Variants in ZNF658 observed in about 807,000 individuals in gnomAD.
ZNF658 encodes the protein zinc finger protein 658.
Under a neutral mutation model 78.0 loss-of-function variants are expected in ZNF658, and 46 were observed. That is an observed-to-expected ratio of 0.59 (90% CI 0.47 to 0.75). The LOEUF (loss-of-function observed/expected upper bound fraction) is 0.75, where lower values mean the gene tolerates loss of function less well. Ranked by LOEUF, ZNF658 falls within the 30% of genes least tolerant of loss-of-function variation. ZNF658 has a pLI of 0.00. For synonymous variants in ZNF658, 279 were observed against 408.4 expected, an observed-to-expected ratio of 0.68 and a Z score of 3.82; for missense variants, 785 against 1,189.3, an observed-to-expected ratio of 0.66 and a Z score of 5.00.
In ZNF658 at chr9:66,908,253, C is replaced by T. The variant is rs149593387; in HGVS notation, c.31C>T (p.Gln11Ter). 257 of 1,613,850 alleles carry T rather than the reference C, an allele frequency of 1.6e-4. No individual in the cohort carries two copies. The highest frequency in any genetic ancestry group is 2.1e-4 in the Non-Finnish European group (246 of 1,179,924). Reference sequence around the variant, plus strand: ...GTTGTTACAGGCATCAGTGTCATTCCAGGACGTGACTGTGGAATTCACCCG... The same window carrying T: ...GTTGTTACAGGCATCAGTGTCATTCTAGGACGTGACTGTGGAATTCACCCG... MNMSQASVSF[Q>*]DVTVEFTREE... The change falls in exon 3 of 5, where the codon CAG (glutamine) becomes TAG (stop). Residue 11 changes from glutamine (Q) to a stop codon, truncating the protein, a stop_gained. Coordinates refer to ENST00000621410, the MANE Select transcript of ZNF658 (RefSeq NM_033160.7). LOFTEE classifies it high-confidence loss of function.
chr9:66,912,731 C>T (rs1822242393), intron 4 of ZNF658, among the ~76,000 whole-genome samples: 1 of 152,076 alleles, frequency 6.6e-6, no homozygotes, highest in Admixed American at 6.6e-5. Context: ...CTCAGGGTTG[C>T]CACAAACCTT....
At chr9:66,917,238 C>T in intron 4 of ZNF658, among the ~76,000 whole-genome samples, 1 of 92,494 alleles carries the variant, frequency 1.1e-5, no homozygotes, top group Non-Finnish European at 2.1e-5. Flanking sequence ...TTTGTTTTTT[C>T]TGTAGGGATT....
chr9:66,912,158 G>GA (rs1388880098), intron 4 of ZNF658, among the ~76,000 whole-genome samples: 1 of 120,682 alleles, frequency 8.3e-6, no homozygotes, highest in African/African-American at 3.8e-5. Context: ...AAAGACAAAA[G>GA]AAAAAACATA....
chr9:66,904,434 C>T (rs971588143), intron 2 of ZNF658, among the ~76,000 whole-genome samples: 6 of 151,392 alleles, frequency 4.0e-5, no homozygotes, highest in East Asian at 1.9e-4. Flanking sequence ...TCCTGTCACT[C>T]GGCTCAGCCT....
chr9:66,921,927 C>T (rs1822533622), downstream of ZNF658, among the ~76,000 whole-genome samples: 1 of 141,392 alleles, frequency 7.1e-6, no homozygotes, highest in South Asian at 2.5e-4. Flanking sequence ...GCCTTTTGTT[C>T]AGCTATGCTC....
chr9:66,921,027 G>C lies in ZNF658; in HGVS notation c.*281G>C, dbSNP rs1283745799. On this transcript the variant is annotated 3_prime_UTR_variant, in exon 5 of 5. Transcript: ENST00000621410. The stretch of plus-strand genomic sequence containing the variant: ...TTTCTGCAGCAAACTTGGGTCCTGT[G>C]TGTTCAAAACCATAGAGCACAAGGT... 4.1e-6 allele frequency: 2 copies of C among 483,884 alleles called. No homozygotes were observed. Among genetic ancestry groups the C allele is most frequent in the Non-Finnish European group, 3.7e-6 (1 of 267,074 alleles). The allele number at this position is 483,884 out of a possible 1,614,324, so 30.0% of individuals were successfully genotyped here. A position where few individuals can be genotyped will look rare whatever the true frequency, so the allele number is the denominator to read the frequency against.
rs1822518834 is a variant in ZNF658 at position 66,921,185 on chromosome 9, G to A, written c.*439G>A. 6.2e-6 allele frequency: 1 copy of A among 161,392 alleles called. No homozygotes were observed. The highest frequency in any genetic ancestry group is 5.7e-5 in the Admixed American group (1 of 17,482). 10.0% of individuals were successfully genotyped at this position (161,392 alleles called of 1,614,324 possible). ...TACAAATTTGGCTTATTAGTTAAAT[G>A]GACGTAGTTTAGCTTAAACTTTATG... On this transcript the variant is annotated 3_prime_UTR_variant, in exon 5 of 5. Coordinates refer to ENST00000621410, the MANE Select transcript of ZNF658 (RefSeq NM_033160.7).
chr9:66,915,244 T>C (rs1332425), intron 4 of ZNF658, among the ~76,000 whole-genome samples: 1 of 151,920 alleles, frequency 6.6e-6, no homozygotes, highest in Non-Finnish European at 1.5e-5. Context: ...TCCTTTTCAC[T>C]GACAGCTCCT....
In ZNF658 at chr9:66,918,203, G is replaced by C. The variant is rs1822386746; in HGVS notation, c.637G>C (p.Glu213Gln). ...GCATTGGAAATTTCAAACTTTGGAGGAATCTTTTGAATGTGATGGATCTGG... is the reference window on the plus strand; with the variant it reads ...GCATTGGAAATTTCAAACTTTGGAGCAATCTTTTGAATGTGATGGATCTGG... ...DQHWKFQTLE[E>Q]SFECDGSGQG... The change falls in exon 5 of 5, where the codon GAA (glutamate) becomes CAA (glutamine). Residue 213 changes from glutamate to glutamine, a missense_variant. Coordinates refer to ENST00000621410, the MANE Select transcript of ZNF658 (RefSeq NM_033160.7). The C allele has an allele frequency of 6.2e-7, 1 of 1,605,534 alleles. No homozygotes were observed. The highest frequency in any genetic ancestry group is 1.1e-5 in the South Asian group (1 of 89,128).
intron 2 of ZNF658, 25 bp from the exon 3 acceptor site, chr9:66,908,213 T>C (rs1271391702): frequency 1.2e-6 from 2 of 1,613,794 alleles, no homozygotes; most frequent in Admixed American, 3.3e-5. Context: ...CATTGTTATA[T>C]TTGTTGTGAT....
Position 66,919,708 on chromosome 9 carries a change from T to C in ZNF658, c.2142T>C (p.Tyr714=). The change falls in exon 5 of 5, where the codon TAT becomes TAC. Residue 714 remains tyrosine, a synonymous_variant. Coordinates refer to ENST00000621410, the MANE Select transcript of ZNF658 (RefSeq NM_033160.7). ...GAATTCACACGGGGGAGAAACCCTA[T>C]GAATGTAATGAATGTGAGAAAACAT... ...HQRIHTGEKP[Y]ECNECEKTFA... The C allele has an allele frequency of 6.2e-7, 1 of 1,613,208 alleles. No homozygotes were observed.
At chr9:66,917,351 A>G (rs913374725) in intron 4 of ZNF658, among the ~76,000 whole-genome samples, 28 of 148,022 alleles carry the variant, frequency 1.9e-4, no homozygotes, top group African/African-American at 7.1e-4. Context: ...ATGAGGAGAG[A>G]GTCTGTCTGT....
intron 1 of ZNF658, 104 bp downstream of exon 1, chr9:66,900,940 GC>G (rs1821938350): frequency 6.6e-6 from 1 of 152,014 alleles, no homozygotes; most frequent in Admixed American, 6.5e-5. Context: ...CCCCAGGATG[GC>G]CCTCCCCTCT....
chr9:66,923,923 T>C (rs1822561345), downstream of ZNF658, among the ~76,000 whole-genome samples: 1 of 129,790 alleles, frequency 7.7e-6, no homozygotes, highest in East Asian at 2.3e-4. Flanking sequence ...CTGAAGCAGG[T>C]AGATCACTTG....
intron 4 of ZNF658, among the ~76,000 whole-genome samples, chr9:66,912,492 C>T: frequency 9.9e-6 from 1 of 101,380 alleles, no homozygotes; most frequent in East Asian, 2.5e-4. Context: ...TTCCAGACCA[C>T]TACAATGAAG....
chr9:66,926,987 GA>G (rs1008529376), intron 6 of ZNF658, among the ~76,000 whole-genome samples: 1 of 150,722 alleles, frequency 6.6e-6, no homozygotes, highest in African/African-American at 2.4e-5. Context: ...ATGCTGCTGG[GA>G]AAACTGGATA....
At chr9:66,903,403 A>G in intron 1 of ZNF658, 115 bp from the exon 2 acceptor site, 2 of 691,806 alleles carry the variant, frequency 2.9e-6, no homozygotes, top group South Asian at 3.3e-5. Context: ...CAGTGGGGTT[A>G]TGTCGCAGTA....
intron 4 of ZNF658, among the ~76,000 whole-genome samples, chr9:66,910,036 C>A (rs531564041): frequency 6.6e-6 from 1 of 152,086 alleles, no homozygotes; most frequent in South Asian, 2.1e-4. Flanking sequence ...GTGTTTCTTC[C>A]GCTTCTTATA....
chr9:66,923,135 C>A (rs866022145), downstream of ZNF658, among the ~76,000 whole-genome samples: 522 of 142,270 alleles, frequency 3.7e-3, 7 homozygotes, highest in African/African-American at 0.013. Context: ...AACAGTGCAG[C>A]CTTCAGTCTG....
Sources: allele counts gnomAD v4.1 joint callset (sites outside exome capture counted in the v4.1 genomes callset), GRCh38; gene constraint gnomAD v4.1.1; transcripts MANE v1.5; gene names NCBI Gene and HGNC (gene_info 2026-07-23, HGNC 2026-07-21).